C8orf34: variants seen among roughly 807,000 people sequenced by gnomAD.
C8orf34 encodes chromosome 8 open reading frame 34.
Under a neutral mutation model 68.3 loss-of-function variants are expected in C8orf34, and 65 were observed. The ratio of observed to expected loss-of-function variants is 0.95; its 90% CI spans 0.78 to 1.17. The LOEUF is 1.17. C8orf34 is among the 50% of genes most tolerant of loss of function. The probability of loss-of-function intolerance (pLI) is 0.00; values close to 1 mark genes in which losing one functional copy is unlikely to be tolerated. For missense variants in C8orf34, 664 were observed against 655.4 expected, an observed-to-expected ratio of 1.01 and a Z score of -0.14; for synonymous variants, 244 against 241.2, an observed-to-expected ratio of 1.01 and a Z score of -0.11.
chr8:68,404,555 G>A (rs958570456), intron 1 of C8orf34, among the ~76,000 whole-genome samples: 3 of 152,010 alleles, frequency 2.0e-5, no homozygotes, highest in African/African-American at 7.2e-5. Flanking sequence ...TTTTGTATAC[G>A]GTGTAAGGAA....
At chr8:68,757,049 CT>C (rs1193622388) in intron 10 of C8orf34, among the ~76,000 whole-genome samples, 32 of 152,300 alleles carry the variant, frequency 2.1e-4, no homozygotes, top group Admixed American at 1.6e-3. Context: ...TCTTAGCACA[CT>C]TGCATTTCAT....
At chr8:68,663,045 T>C (rs1819728523) in intron 8 of C8orf34, among the ~76,000 whole-genome samples, 1 of 152,224 alleles carries the variant, frequency 6.6e-6, no homozygotes, top group Non-Finnish European at 1.5e-5. Context: ...TCTCCATTTG[T>C]GAGGGTCTCT....
At position 68,330,989 on chromosome 8, in the gene C8orf34, G is replaced by A. The variant is rs1306181004; in HGVS notation, c.-24G>A. ...GGCGCTGCGGAGAGCGGCGAGGGTG[G>A]GCGCGAGGCGGAGAACGCGATGAAT... On this transcript the variant is annotated 5_prime_UTR_variant, in exon 1 of 14. Transcript: ENST00000518698. 4 of 1,381,210 alleles carry A rather than the reference G, an allele frequency of 2.9e-6. No homozygotes were observed. The South Asian group carries it at 6.6e-5, about 23-fold the overall frequency. The allele number at this position is 1,381,210 out of a possible 1,614,324, so 85.6% of individuals were successfully genotyped here. A position where few individuals can be genotyped will look rare whatever the true frequency, so the allele number is the denominator to read the frequency against.
chr8:68,796,882 A>C (rs1023842630), intron 12 of C8orf34, among the ~76,000 whole-genome samples: 1 of 137,904 alleles, frequency 7.3e-6, no homozygotes, highest in African/African-American at 2.8e-5. Flanking sequence ...GCTGGAGTGC[A>C]GTGGCGCTAA....
chr8:68,465,975 AT>A, intron 3 of C8orf34, among the ~76,000 whole-genome samples: 1 of 150,510 alleles, frequency 6.6e-6, no homozygotes, highest in East Asian at 1.9e-4. Context: ...ATAAAATAAA[AT>A]AAGAAATTCT....
intron 1 of C8orf34, among the ~76,000 whole-genome samples, chr8:68,369,992 C>T (rs1209967244): frequency 6.6e-6 from 1 of 152,138 alleles, no homozygotes; most frequent in African/African-American, 2.4e-5. Flanking sequence ...TAGAATGCCT[C>T]CAAAATCCAA....
At chr8:68,474,966 C>T (rs1812542231) in intron 4 of C8orf34, among the ~76,000 whole-genome samples, 1 of 152,182 alleles carries the variant, frequency 6.6e-6, no homozygotes, top group Admixed American at 6.5e-5. Flanking sequence ...AAGTGAAAGC[C>T]TGACATTCAC....
In C8orf34 at chr8:68,465,192, A is replaced by T. The variant is rs1326417665; in HGVS notation, c.608-3500A>T. 2.0e-5 allele frequency among the ~76,000 whole-genome samples: 3 copies of T among 152,180 alleles called. No individual in the cohort carries two copies. In the East Asian group the frequency reaches 5.8e-4, roughly 29 times the overall value. On this transcript the variant is annotated intron_variant, in intron 3 of 13. Coordinates refer to ENST00000518698, the MANE Select transcript of C8orf34 (RefSeq NM_052958.4). ...AGACAATTATGCAGCCAAAAAACAC[A>T]TGAAAAAATGCTCACCATCACTGGC...
At chr8:68,810,117 G>C (rs1042833899) in intron 12 of C8orf34, among the ~76,000 whole-genome samples, 1 of 152,194 alleles carries the variant, frequency 6.6e-6, no homozygotes. Context: ...GAGCCTGCTG[G>C]TCTCATCCTG....
intron 3 of C8orf34, among the ~76,000 whole-genome samples, chr8:68,465,948 T>TAATAAAATAA (rs61338754): frequency 4.1e-4 from 61 of 148,386 alleles, no homozygotes; most frequent in African/African-American, 1.5e-3. Context: ...ACTTAAAGTA[T>TAATAAAATAA]AATAAAATAA....
At chr8:68,528,655 A>C (rs900680689) in intron 6 of C8orf34, among the ~76,000 whole-genome samples, 26 of 152,188 alleles carry the variant, frequency 1.7e-4, no homozygotes, top group Non-Finnish European at 2.9e-5. Flanking sequence ...CACGACCACC[A>C]AACTCCAGGG....
At chr8:68,631,340 A>C (rs896994879) in intron 7 of C8orf34, among the ~76,000 whole-genome samples, 4 of 152,156 alleles carry the variant, frequency 2.6e-5, no homozygotes, top group Non-Finnish European at 5.9e-5. Context: ...TTCTGGGCTC[A>C]AGTGATCCTC....
At chr8:68,643,876 G>A (rs1434933) in intron 8 of C8orf34, among the ~76,000 whole-genome samples, 24,565 of 152,120 alleles carry the variant, frequency 0.16, 2,037 homozygotes, top group Admixed American at 0.22. Flanking sequence ...ATAACACTGG[G>A]TCTATATTCT....
chr8:68,760,601 C>G (rs1822997627), intron 10 of C8orf34, among the ~76,000 whole-genome samples: 1 of 152,172 alleles, frequency 6.6e-6, no homozygotes, highest in Non-Finnish European at 1.5e-5. Context: ...AGACTCTTTG[C>G]AATATTACTT....
intron 11 of C8orf34, among the ~76,000 whole-genome samples, chr8:68,782,902 A>C (rs952220511): frequency 6.6e-6 from 1 of 151,714 alleles, no homozygotes; most frequent in African/African-American, 2.4e-5. Flanking sequence ...ACAATGAGTT[A>C]AAGAAAAAAA....
intron 4 of C8orf34, among the ~76,000 whole-genome samples, chr8:68,472,514 C>T (rs1365081742): frequency 6.6e-6 from 1 of 152,038 alleles, no homozygotes; most frequent in Non-Finnish European, 1.5e-5. Context: ...CTCAGGAGGC[C>T]CACTCACACT....
chr8:68,567,974 G>T lies in C8orf34; in HGVS notation c.1105+34825G>T, dbSNP rs191598387. 2.6e-5 allele frequency among the ~76,000 whole-genome samples: 4 copies of T among 151,906 alleles called. No homozygotes were observed. In the East Asian group the frequency reaches 7.8e-4, roughly 30 times the overall value. On this transcript the variant is annotated intron_variant, in intron 7 of 13. Coordinates refer to ENST00000518698, the MANE Select transcript of C8orf34 (RefSeq NM_052958.4). ...ACTTGAATACTTAGAGGCCATTGGGGGATTATTAATTGGCCTAATTTCAGT... is the reference window on the plus strand; with the variant it reads ...ACTTGAATACTTAGAGGCCATTGGGTGATTATTAATTGGCCTAATTTCAGT...
chr8:68,811,603 G>A (rs1269569037), intron 12 of C8orf34, among the ~76,000 whole-genome samples: 1 of 152,100 alleles, frequency 6.6e-6, no homozygotes, highest in Non-Finnish European at 1.5e-5. Context: ...AAATAGATCC[G>A]CCAAATCTCT....
Position 68,546,952 on chromosome 8 carries a change from A to G in C8orf34, c.1105+13803A>G, listed in dbSNP as rs537253497. On this transcript the variant is annotated intron_variant, in intron 7 of 13. Transcript: ENST00000518698. ...AAACAGTGGTTAATGAGAAACCCAG[A>G]GCTTTAAACAAGAAAGTTTTAAAAT... 2.0e-5 allele frequency among the ~76,000 whole-genome samples: 3 copies of G among 151,952 alleles called. No homozygotes were observed. In the East Asian group the frequency reaches 5.8e-4, roughly 29 times the overall value.
Sources: gnomAD v4.1 joint callset for allele counts (sites outside exome capture counted in the v4.1 genomes callset) on GRCh38, gnomAD v4.1.1 for gene constraint, MANE v1.5 for transcripts, NCBI Gene and HGNC (gene_info 2026-07-23, HGNC 2026-07-21) for gene names.